ROBO1: variants seen among roughly 807,000 people sequenced by gnomAD.
ROBO1 encodes roundabout guidance receptor 1.
In ROBO1, 149 loss-of-function variants were observed where a neutral mutation model predicts 195.9. The ratio of observed to expected loss-of-function variants is 0.76; its 90% CI spans 0.67 to 0.87. ROBO1 has a LOEUF of 0.87. Among genes scored for constraint, ROBO1 ranks in the 40% least tolerant of loss-of-function variants. ROBO1 has a pLI of 0.00. For synonymous variants in ROBO1, 816 were observed against 733.2 expected (o/e 1.11, Z -1.82); for missense variants, 1,933 against 2,068.3 (o/e 0.93, Z 1.27).
chr3:79,064,475 C>T (rs1160186042), intron 3 of ROBO1, among the ~76,000 whole-genome samples: 1 of 151,798 alleles, frequency 6.6e-6, no homozygotes, highest in African/African-American at 2.4e-5. Context: ...CTGTACTTCA[C>T]CCTGTTAGTG....
chr3:79,444,180 CAT>C (rs1477669017), intron 2 of ROBO1, among the ~76,000 whole-genome samples: 1 of 151,788 alleles, frequency 6.6e-6, no homozygotes, highest in African/African-American at 2.4e-5. Flanking sequence ...TTCATGAAAA[CAT>C]ATCCTTGAAG....
intron 4 of ROBO1, among the ~76,000 whole-genome samples, chr3:78,877,516 CAG>C (rs2035927144): frequency 6.6e-6 from 1 of 151,690 alleles, no homozygotes; most frequent in Admixed American, 6.6e-5. Context: ...AAAAATCAAA[CAG>C]ATATTCAGAT....
intron 1 of ROBO1, among the ~76,000 whole-genome samples, chr3:79,729,095 T>C (rs1315328637): frequency 6.6e-6 from 1 of 152,234 alleles, no homozygotes; most frequent in African/African-American, 2.4e-5. Context: ...AATTTAATTC[T>C]TAATGAATAG....
intron 3 of ROBO1, among the ~76,000 whole-genome samples, chr3:78,952,941 T>A (rs1293627025): frequency 2.0e-5 from 3 of 152,104 alleles, no homozygotes; most frequent in Admixed American, 2.0e-4. Flanking sequence ...GAATTTATCA[T>A]CTAAAATGGT....
rs372588758 is a variant in ROBO1 at position 79,151,861 on chromosome 3, C to T, written c.89-26322G>A. 6.0e-4 allele frequency among the ~76,000 whole-genome samples: 91 copies of T among 151,918 alleles called. 1 individual carries two copies. Among genetic ancestry groups the T allele is most frequent in the African/African-American group, 2.1e-3 (86 of 41,500 alleles). Reference sequence around the variant, plus strand: ...GCTGAACTGGCTCCTGCTCATCTTTCGGTCTCAACAAAAATGTCACTATAC... The same window carrying T: ...GCTGAACTGGCTCCTGCTCATCTTTTGGTCTCAACAAAAATGTCACTATAC... On this transcript the variant is annotated intron_variant, in intron 2 of 30. Transcript: ENST00000464233.
intron 4 of ROBO1, among the ~76,000 whole-genome samples, chr3:78,788,030 C>T (rs932342877): frequency 6.7e-6 from 1 of 150,358 alleles, no homozygotes; most frequent in African/African-American, 2.4e-5. Context: ...AGCTCCACCT[C>T]CCGGGTTGAC....
chr3:78,781,152 C>T (rs2083665504), intron 4 of ROBO1, among the ~76,000 whole-genome samples: 1 of 152,084 alleles, frequency 6.6e-6, no homozygotes, highest in Non-Finnish European at 1.5e-5. Context: ...ACTTTTTGCC[C>T]TTATCCATTT....
rs117171541 is a variant in ROBO1, at chr3:78,958,032, A to G, written c.173-19105T>C. ...CAAGTGACATAGACCGAGATGCAGC[A>G]TAAGGTTCTTGGTTTTTTATATAAA... On this transcript the variant is annotated intron_variant, in intron 3 of 30. Transcript: ENST00000464233. 1.6e-3 allele frequency among the ~76,000 whole-genome samples: 242 copies of G among 152,324 alleles called. 2 individuals are homozygous for G. The East Asian group carries it at 0.032, about 20-fold the overall frequency.
At chr3:79,656,476 T>C (rs942525061) in intron 1 of ROBO1, among the ~76,000 whole-genome samples, 19 of 152,132 alleles carry the variant, frequency 1.2e-4, no homozygotes, top group African/African-American at 4.1e-4. Flanking sequence ...AAAATAATAG[T>C]ATACTTTATT....
At chr3:79,233,285 T>C (rs2082351649) in intron 2 of ROBO1, among the ~76,000 whole-genome samples, 2 of 151,942 alleles carry the variant, frequency 1.3e-5, no homozygotes, top group South Asian at 4.1e-4. Context: ...TATCTTTGGG[T>C]GAAGTGAAAA....
Position 78,707,155 on chromosome 3 carries a change from G to A in ROBO1, c.1045+7242C>T, listed in dbSNP as rs184276932. On this transcript the variant is annotated intron_variant, in intron 8 of 30. Coordinates refer to ENST00000464233, the MANE Select transcript of ROBO1 (RefSeq NM_002941.4). Reference sequence around the variant, plus strand: ...TAAATAGGGGTCAATCATAAACTGCGGTGTCCTAGATATTCCAGCAAAGTT... The same window carrying A: ...TAAATAGGGGTCAATCATAAACTGCAGTGTCCTAGATATTCCAGCAAAGTT... Among the ~76,000 whole-genome samples the A allele has an allele frequency of 1.6e-4, 24 of 152,200 alleles. No homozygotes were observed. The East Asian group carries it at 2.7e-3, about 17-fold the overall frequency.
chr3:78,620,008 ACT>A (rs1370658643), intron 26 of ROBO1, among the ~76,000 whole-genome samples: 3 of 131,822 alleles, frequency 2.3e-5, no homozygotes, highest in Non-Finnish European at 4.7e-5. Context: ...ACAGAGTGAG[ACT>A]CTGTCTCAAA....
At chr3:79,453,485 T>C (rs753729033) in intron 2 of ROBO1, among the ~76,000 whole-genome samples, 1 of 152,020 alleles carries the variant, frequency 6.6e-6, no homozygotes, top group Non-Finnish European at 1.5e-5. Flanking sequence ...TCCTAGGGGT[T>C]ATAGCTCTAA....
chr3:79,714,978 C>T (rs1560125155), intron 1 of ROBO1, among the ~76,000 whole-genome samples: 1 of 151,462 alleles, frequency 6.6e-6, no homozygotes, highest in African/African-American at 2.4e-5. Context: ...TGCACATGTA[C>T]CCTAAAACTT....
chr3:78,860,236 G>C (rs2034730764), intron 4 of ROBO1, among the ~76,000 whole-genome samples: 2 of 148,146 alleles, frequency 1.4e-5, no homozygotes, highest in African/African-American at 5.0e-5. Flanking sequence ...GTTTGGATTT[G>C]TGCATTTAAT....
At chr3:79,713,927 G>A (rs1702376254) in intron 1 of ROBO1, among the ~76,000 whole-genome samples, 1 of 151,950 alleles carries the variant, frequency 6.6e-6, no homozygotes, top group South Asian at 2.1e-4. Context: ...TATTTCTGAG[G>A]GCTCTGTTCT....
intron 2 of ROBO1, among the ~76,000 whole-genome samples, chr3:79,225,321 G>A (rs191819626): frequency 1.3e-5 from 2 of 152,108 alleles, no homozygotes; most frequent in East Asian, 1.9e-4. Flanking sequence ...TTTAATGTTA[G>A]TCTTACTTAG....
chr3:79,645,471 T>C (rs1169492197), intron 1 of ROBO1, among the ~76,000 whole-genome samples: 2 of 152,000 alleles, frequency 1.3e-5, no homozygotes, highest in Non-Finnish European at 2.9e-5. Context: ...CACTGCACTA[T>C]AGCCCGGGAG....
chr3:78,615,304 T>C (rs549132816), intron 27 of ROBO1, among the ~76,000 whole-genome samples: 118 of 152,284 alleles, frequency 7.7e-4, no homozygotes, highest in African/African-American at 2.7e-3. Context: ...CTCAGGTGTA[T>C]TCTCTTCAGG....
Sources: allele counts gnomAD v4.1 joint callset (sites outside exome capture counted in the v4.1 genomes callset), GRCh38; gene constraint gnomAD v4.1.1; transcripts MANE v1.5; gene names NCBI Gene and HGNC (gene_info 2026-07-23, HGNC 2026-07-21).